The following MACF1 variants were observed in gnomAD, a reference collection of about 807,000 sequenced individuals.
MACF1 encodes the protein microtubule actin crosslinking factor 1.
In MACF1, 193 loss-of-function variants were observed where a neutral mutation model predicts 854.8. The ratio of observed to expected loss-of-function variants is 0.23; its 90% CI spans 0.20 to 0.25. The LOEUF is 0.25. Ranked by LOEUF, MACF1 falls within the 10% of genes least tolerant of loss-of-function variation. The probability of loss-of-function intolerance (pLI) is 1.00; values close to 1 mark genes in which losing one functional copy is unlikely to be tolerated. For missense variants in MACF1, 7,722 were observed against 8,929.1 expected (o/e 0.86, Z 5.45); for synonymous variants, 3,185 against 3,226.7 (o/e 0.99, Z 0.44).
intron 2 of MACF1, among the ~76,000 whole-genome samples, chr1:39,136,123 T>C (rs1190885247): frequency 6.6e-6 from 1 of 152,204 alleles, no homozygotes; most frequent in Non-Finnish European, 1.5e-5. Context: ...TACATGTTCT[T>C]CTCTGGGTTC....
chr1:39,089,718 AT>A (rs1220356642), intron 2 of MACF1, among the ~76,000 whole-genome samples: 2 of 79,754 alleles, frequency 2.5e-5, no homozygotes, highest in Non-Finnish European at 6.9e-5. Context: ...CATTCATTCA[AT>A]AAAAAAAATG....
intron 99 of MACF1, among the ~76,000 whole-genome samples, chr1:39,481,797 G>A (rs990739998): frequency 2.0e-5 from 3 of 152,174 alleles, no homozygotes; most frequent in African/African-American, 7.2e-5. Context: ...TGTGCCTCAA[G>A]ACAGTGTTGC....
chr1:39,316,017 A>T (rs1005899703), intron 27 of MACF1, among the ~76,000 whole-genome samples: 6 of 152,222 alleles, frequency 3.9e-5, no homozygotes, highest in Admixed American at 2.6e-4. Flanking sequence ...TAAAAAGAAA[A>T]GTTTTTAGTT....
chr1:39,433,484 G>A (rs1435882249), intron 68 of MACF1, among the ~76,000 whole-genome samples: 1 of 152,194 alleles, frequency 6.6e-6, no homozygotes, highest in Non-Finnish European at 1.5e-5. Context: ...ACCATATGCA[G>A]ATATTAATTC....
At chr1:39,292,925 T>C (rs1411313234) in intron 17 of MACF1, 82 bp downstream of exon 17, 14 of 1,198,968 alleles carry the variant, frequency 1.2e-5, no homozygotes, top group East Asian at 2.5e-5. Context: ...TTCAGAAATC[T>C]CCTGGTTTGG....
rs1314550217 is a variant in MACF1, at chr1:39,085,773, C to T, written c.220+1335C>T. The stretch of plus-strand genomic sequence containing the variant: ...TGGAATCAAGGCTTCAGCATAAAGA[C>T]CCATCAAAATTACTTACCTCTTCAG... On this transcript the variant is annotated intron_variant, in intron 2 of 93. Transcript: ENST00000361689. Among the ~76,000 whole-genome samples, 7 of 152,238 alleles carry T rather than the reference C, an allele frequency of 4.6e-5. No individual in the cohort carries two copies. The South Asian group carries it at 1.2e-3, about 27-fold the overall frequency.
At position 39,357,565 on chromosome 1, in the gene MACF1, T is replaced by A; in HGVS notation, c.11615T>A (p.Val3872Glu). The A allele has an allele frequency of 6.2e-7, 1 of 1,614,080 alleles. No individual in the cohort carries two copies. The highest frequency in any genetic ancestry group is 8.5e-7 in the Non-Finnish European group (1 of 1,180,014). Residue 3872 changes from valine (V) to glutamate (E), a missense_variant, in exon 45 of 101, where the codon GTG (valine) becomes GAG (glutamate). Physicochemically the swap from Val to Glu is moderately radical, Grantham distance 121. Transcript: ENST00000564288. ...CAATCAGAGGCAGAACTGAAGCAGG[T>A]GCAGACACTTCAGGATGAGTTGCAG... Reference protein sequence around the residue: ...LAQSEAELKQVQTLQDELQKF... With the variant: ...LAQSEAELKQEQTLQDELQKF...
intron 49 of MACF1, among the ~76,000 whole-genome samples, chr1:39,363,604 C>CTTTTT (rs1553308665): frequency 7.3e-6 from 1 of 136,102 alleles, no homozygotes; most frequent in African/African-American, 2.8e-5. Flanking sequence ...TTCTTTCTTT[C>CTTTTT]TTTTTTTTTT....
intron 2 of MACF1, among the ~76,000 whole-genome samples, chr1:39,171,112 A>G (rs146928902): frequency 6.6e-6 from 1 of 152,212 alleles, no homozygotes; most frequent in Non-Finnish European, 1.5e-5. Flanking sequence ...TCCAACAGCA[A>G]TGAAGTCCCA....
rs545754182 is a variant in MACF1, at chr1:39,240,754, C to G, written c.172-9260C>G. On this transcript the variant is annotated intron_variant, in intron 2 of 100. Transcript: ENST00000564288. ...TCTCAGGTGATCTGCCCATCTTGGC[C>G]TCCTAAAGTGCTGGGATTACAGGCG... Among the ~76,000 whole-genome samples, 211 of 152,332 alleles carry G rather than the reference C, an allele frequency of 1.4e-3. 1 individual carries two copies. The highest frequency in any genetic ancestry group is 2.1e-3 in the Non-Finnish European group (146 of 68,032).
At chr1:39,452,953 G>T in intron 87 of MACF1, 141 bp downstream of exon 87, 2 of 904,802 alleles carry the variant, frequency 2.2e-6, no homozygotes, top group East Asian at 2.6e-5. Flanking sequence ...TAGCTCATTG[G>T]TTTAGCAGGA....
chr1:39,464,392 A>G (rs1469301560), intron 94 of MACF1: 1 of 153,090 alleles, frequency 6.5e-6, no homozygotes, highest in African/African-American at 2.4e-5. Context: ...TATATCCAAA[A>G]TGTCCTCAAA....
chr1:39,126,439 A>G (rs1049355788), intron 2 of MACF1, among the ~76,000 whole-genome samples: 2 of 152,222 alleles, frequency 1.3e-5, no homozygotes, highest in African/African-American at 4.8e-5. Context: ...ATAAAGTCAC[A>G]TTCACAGTCC....
intron 2 of MACF1, among the ~76,000 whole-genome samples, chr1:39,114,188 T>TG (rs1194229795): frequency 2.0e-5 from 3 of 151,656 alleles, no homozygotes; most frequent in Non-Finnish European, 4.4e-5. Context: ...TACTGTTTTT[T>TG]TTTTTTTTTT....
chr1:39,144,434 T>TAA (rs750181973), intron 2 of MACF1, among the ~76,000 whole-genome samples: 24 of 152,288 alleles, frequency 1.6e-4, no homozygotes, highest in Admixed American at 3.3e-4. Flanking sequence ...AGAACTCTCA[T>TAA]AATCTTCTAG....
intron 58 of MACF1, chr1:39,411,387 T>C (rs1642995928): frequency 1.2e-6 from 2 of 1,613,950 alleles, no homozygotes; most frequent in Admixed American, 1.7e-5. Context: ...TGGTGGAGGA[T>C]GGATCCGATT....
Position 39,388,622 on chromosome 1 carries a change from A to C in MACF1, c.15780A>C (p.Glu5260Asp). The change falls in exon 58 of 101, where the codon GAA becomes GAC. Residue 5260 changes from glutamate to aspartate, a missense_variant. Around this residue, in one of 15 missense-constraint regions of MACF1, gnomAD observed 2,807 missense variants for 3,235.8 expected, o/e 0.87. Coordinates refer to ENST00000564288, the MANE Select transcript of MACF1 (RefSeq NM_001394062.1). Reference sequence around the variant, plus strand: ...CCCTCCAGTGGGTAGTGGGGACCGAAGTGGAAATCATCAACCAACAATTAG... The same window carrying C: ...CCCTCCAGTGGGTAGTGGGGACCGACGTGGAAATCATCAACCAACAATTAG... ...AEALQWVVGT[E>D]VEIINQQLAD... The C allele has an allele frequency of 1.3e-6, 2 of 1,584,924 alleles. No homozygotes were observed. Among genetic ancestry groups the C allele is most frequent in the Non-Finnish European group, 1.7e-6 (2 of 1,167,566 alleles).
rs1192396466 is a variant in MACF1, at chr1:39,474,721, T to TTG, written c.21959-5067_21959-5066dup. 4.6e-5 allele frequency among the ~76,000 whole-genome samples: 7 copies of TTG among 151,962 alleles called. No homozygotes were observed. In the South Asian group the frequency reaches 1.0e-3, roughly 23 times the overall value. On this transcript the variant is annotated intron_variant, in intron 97 of 100. Transcript: ENST00000564288. ...AAAATAACTAAATAAAAATAAATGT[T>TTG]TGTGTGTGTGTATAAGTGTATGTGT...
chr1:39,210,666 GA>G (rs1644504045), intron 1 of MACF1, among the ~76,000 whole-genome samples: 1 of 152,066 alleles, frequency 6.6e-6, no homozygotes, highest in African/African-American at 2.4e-5. Flanking sequence ...GGCTGTTTGA[GA>G]AGAAAAAAGA....
Sources: allele counts gnomAD v4.1 joint callset (sites outside exome capture counted in the v4.1 genomes callset), GRCh38; gene constraint gnomAD v4.1.1; regional missense constraint gnomAD v4.1.1; transcripts MANE v1.5; gene names NCBI Gene and HGNC (gene_info 2026-07-23, HGNC 2026-07-21).